AP4E1: variants seen among roughly 807,000 people sequenced by gnomAD.
The protein encoded by AP4E1 is adaptor related protein complex 4 subunit epsilon 1.
A neutral mutation model predicts 128.2 loss-of-function variants in AP4E1; 56 were observed. That is an observed-to-expected ratio of 0.44 (90% CI 0.35 to 0.55). The LOEUF is 0.55. AP4E1 is among the 20% of genes least tolerant of loss of function. The pLI, the probability that AP4E1 is intolerant of heterozygous loss-of-function variation, is 0.00. For missense variants in AP4E1, 1,324 were observed against 1,307.7 expected (o/e 1.01, Z -0.19); for synonymous variants, 484 against 473.1 (o/e 1.02, Z -0.30).
intron 1 of AP4E1, 73 bp downstream of exon 1, chr15:50,909,001 G>T: frequency 6.3e-7 from 1 of 1,591,374 alleles, no homozygotes. Context: ...CTGGCCGGGC[G>T]GCGAGACTTC....
intron 7 of AP4E1, among the ~76,000 whole-genome samples, chr15:50,931,799 C>A (rs1394630755): frequency 2.0e-5 from 3 of 152,014 alleles, no homozygotes; most frequent in Non-Finnish European, 2.9e-5. Flanking sequence ...AGCTTGAAGC[C>A]ATACAAAACC....
Position 50,999,078 on chromosome 15 carries a change from G to C in AP4E1, c.2911G>C (p.Glu971Gln). ...TTATTACTTCTATTTGCAGGTGACTGAGCAACCTGGATGCTGTTTGCCTGT... is the reference window on the plus strand; with the variant it reads ...TTATTACTTCTATTTGCAGGTGACTCAGCAACCTGGATGCTGTTTGCCTGT... Reference protein sequence around the residue: ...IFPAENFKVTEQPGCCLPVME... With the variant: ...IFPAENFKVTQQPGCCLPVME... Residue 971 changes from glutamate (E) to glutamine (Q), a missense_variant, in exon 19 of 21, where the codon GAG (glutamate) becomes CAG (glutamine). Physicochemically the swap from Glu to Gln is conservative, Grantham distance 29. Transcript: ENST00000261842. The C allele has an allele frequency of 6.2e-7, 1 of 1,613,960 alleles. No homozygotes were observed. The highest frequency in any genetic ancestry group is 8.5e-7 in the Non-Finnish European group (1 of 1,179,930).
At chr15:50,971,210 A>C (rs1012949845) in intron 15 of AP4E1, among the ~76,000 whole-genome samples, 1 of 152,154 alleles carries the variant, frequency 6.6e-6, no homozygotes, top group Non-Finnish European at 1.5e-5. Context: ...GCTTTGCTGG[A>C]TATGATATTC....
rs550154966 is a variant in AP4E1, at chr15:50,933,866, A to G, written c.870-758A>G. On this transcript the variant is annotated intron_variant, in intron 7 of 20. Transcript: ENST00000261842. ...CACAGTTTCTCTGCAAGACCACTGT[A>G]TGTATCCTGTGTTGCTGGTATTTTT... Among the ~76,000 whole-genome samples, 218 of 152,120 alleles carry G rather than the reference A, an allele frequency of 1.4e-3. 3 individuals carry two copies. The highest frequency in any genetic ancestry group is 1.6e-3 in the Non-Finnish European group (109 of 67,956).
rs969860132 is a variant in AP4E1, at chr15:50,930,792, C to T, written c.703-13C>T. Reference sequence around the variant, plus strand: ...GACGTTATTAACAAAGTTTTTTTTGCGGGGGGATGTAGGAGAATTCATCTG... The same window carrying T: ...GACGTTATTAACAAAGTTTTTTTTGTGGGGGGATGTAGGAGAATTCATCTG... On this transcript the variant is annotated splice_polypyrimidine_tract_variant and intron_variant, in intron 6 of 20. Coordinates refer to ENST00000261842, the MANE Select transcript of AP4E1 (RefSeq NM_007347.5). 16 of 1,611,170 alleles carry T rather than the reference C, an allele frequency of 9.9e-6. No homozygotes were observed. The highest frequency in any genetic ancestry group is 9.4e-5 in the African/African-American group (7 of 74,536).
intron 15 of AP4E1, 77 bp downstream of exon 15, chr15:50,968,454 A>G (rs2064426833): frequency 9.8e-7 from 1 of 1,024,884 alleles, no homozygotes; most frequent in Admixed American, 2.0e-5. Flanking sequence ...AAGTAAATAA[A>G]TAAAGATATT....
intron 6 of AP4E1, among the ~76,000 whole-genome samples, chr15:50,930,131 G>C (rs1018732924): frequency 2.0e-5 from 3 of 147,316 alleles, no homozygotes; most frequent in African/African-American, 7.6e-5. Flanking sequence ...GCAATGGCAT[G>C]ATCTCAGCTC....
chr15:50,971,579 A>G (rs1404217031), intron 15 of AP4E1, among the ~76,000 whole-genome samples: 1 of 151,984 alleles, frequency 6.6e-6, no homozygotes, highest in Non-Finnish European at 1.5e-5. Flanking sequence ...CCATAATACA[A>G]ACATTTATTT....
chr15:50,990,907 G>A (rs1351819765), intron 16 of AP4E1, among the ~76,000 whole-genome samples: 1 of 152,146 alleles, frequency 6.6e-6, no homozygotes, highest in African/African-American at 2.4e-5. Flanking sequence ...AGAATAATTA[G>A]GAGTGTCGTT....
intron 2 of AP4E1, among the ~76,000 whole-genome samples, chr15:50,913,720 C>T (rs2063593310): frequency 6.6e-6 from 1 of 152,022 alleles, no homozygotes; most frequent in Non-Finnish European, 1.5e-5. Context: ...TTAAATGAAC[C>T]CTTTAACTCC....
chr15:50,968,426 T>A, intron 15 of AP4E1, 49 bp downstream of exon 15: 1 of 1,291,926 alleles, frequency 7.7e-7, no homozygotes. Flanking sequence ...GATGTAATTT[T>A]TGATATTATA....
At chr15:50,915,781 CT>C (rs2063623210) in intron 3 of AP4E1, 3 of 586,326 alleles carry the variant, frequency 5.1e-6, no homozygotes, top group South Asian at 4.2e-5. Flanking sequence ...AAAGAGAAGA[CT>C]AAAGATTTCT....
chr15:50,925,664 C>T (rs1205304654), intron 5 of AP4E1, among the ~76,000 whole-genome samples: 2 of 148,112 alleles, frequency 1.4e-5, no homozygotes, highest in Non-Finnish European at 3.0e-5. Context: ...GAGTCTCACT[C>T]CGTTGTCCAG....
intron 20 of AP4E1, 47 bp downstream of exon 20, chr15:51,001,230 T>C: frequency 1.3e-6 from 2 of 1,543,774 alleles, no homozygotes; most frequent in Non-Finnish European, 8.9e-7. Context: ...AGGAGCTTTC[T>C]TATAATTGGA....
chr15:50,969,577 A>G (rs2064449213), intron 15 of AP4E1, among the ~76,000 whole-genome samples: 1 of 152,052 alleles, frequency 6.6e-6, no homozygotes, highest in South Asian at 2.1e-4. Context: ...CAATCCTTGT[A>G]TAGTGTTTAG....
At chr15:50,953,005 G>T (rs1456598500) in intron 13 of AP4E1, among the ~76,000 whole-genome samples, 3 of 152,072 alleles carry the variant, frequency 2.0e-5, no homozygotes, top group Non-Finnish European at 4.4e-5. Context: ...ATTGCTTGAA[G>T]CCAGAGTTTG....
At chr15:50,957,149 C>T (rs936051939) in intron 13 of AP4E1, among the ~76,000 whole-genome samples, 3 of 152,140 alleles carry the variant, frequency 2.0e-5, no homozygotes, top group Admixed American at 6.5e-5. Context: ...CTCCTGAGCT[C>T]TCATCTGGTG....
chr15:50,919,713 G>A (rs1313448550), intron 3 of AP4E1, among the ~76,000 whole-genome samples: 1 of 151,876 alleles, frequency 6.6e-6, no homozygotes, highest in Non-Finnish European at 1.5e-5. Context: ...TTGCCAATTA[G>A]AGGGACGTGT....
intron 17 of AP4E1, among the ~76,000 whole-genome samples, chr15:50,996,244 T>C (rs527299107): frequency 7.3e-5 from 11 of 150,604 alleles, no homozygotes; most frequent in African/African-American, 2.7e-4. Flanking sequence ...GTGATCCGCC[T>C]GCTTCAGCCT....
Sources: gnomAD v4.1 joint callset for allele counts (sites outside exome capture counted in the v4.1 genomes callset) on GRCh38, gnomAD v4.1.1 for gene constraint, MANE v1.5 for transcripts, NCBI Gene and HGNC (gene_info 2026-07-23, HGNC 2026-07-21) for gene names.